GEMIN5: variants seen among roughly 807,000 people sequenced by gnomAD.
GEMIN5 encodes gem nuclear organelle associated protein 5.
Under a neutral mutation model 176.9 loss-of-function variants are expected in GEMIN5, and 124 were observed. That is an observed-to-expected ratio of 0.70 (90% CI 0.61 to 0.81). GEMIN5 has a LOEUF of 0.81. GEMIN5 is among the 40% of genes least tolerant of loss of function. The pLI, the probability that GEMIN5 is intolerant of heterozygous loss-of-function variation, is 0.00. For synonymous variants in GEMIN5, 673 were observed against 665.2 expected, an observed-to-expected ratio of 1.01 and a Z score of -0.18; for missense variants, 1,843 against 1,814.6, an observed-to-expected ratio of 1.02 and a Z score of -0.28.
Position 154,927,389 on chromosome 5 carries a change from C to T in GEMIN5, c.1076G>A (p.Arg359Lys). 6.4e-7 allele frequency: 1 copy of T among 1,563,604 alleles called. No homozygotes were observed. ...AGTGAAAATAAGCATTCTTACATCT[C>T]TATCCATTGATGTAGAAAGTAATAG... ...KQLLLSTSMDRDVKCWDIATL... is the reference protein window; with the variant it reads ...KQLLLSTSMDKDVKCWDIATL... Residue 359 changes from arginine to lysine, a missense_variant, in exon 7 of 28, where the codon AGA becomes AAA. Arg to Lys is a conservative substitution (Grantham distance 26). Coordinates refer to ENST00000285873, the MANE Select transcript of GEMIN5 (RefSeq NM_015465.5).
chr5:154,888,789 T>C (rs1184175642), intron 27 of GEMIN5, among the ~76,000 whole-genome samples: 2 of 152,248 alleles, frequency 1.3e-5, no homozygotes, highest in East Asian at 1.9e-4. Flanking sequence ...ATTACTTGTG[T>C]GATCGATAAT....
intron 4 of GEMIN5, 121 bp from the exon 5 acceptor site, chr5:154,931,698 T>G (rs953722750): frequency 1.3e-6 from 1 of 783,298 alleles, no homozygotes; most frequent in Non-Finnish European, 2.0e-6. Context: ...ACTATAAAAT[T>G]TGAAGTTTTA....
intron 11 of GEMIN5, among the ~76,000 whole-genome samples, chr5:154,918,298 A>G (rs1435865468): frequency 6.6e-6 from 1 of 152,216 alleles, no homozygotes; most frequent in Non-Finnish European, 1.5e-5. Flanking sequence ...TGTGCCCATC[A>G]GCTTGGACAA....
At chr5:154,907,547 C>T (rs1227084902) in intron 16 of GEMIN5, 44 bp downstream of exon 16, 1 of 1,449,592 alleles carries the variant, frequency 6.9e-7, no homozygotes, top group Non-Finnish European at 9.7e-7. Context: ...GTTTCCCAGA[C>T]ACGACCATGA....
chr5:154,903,047 T>C (rs765024778), intron 19 of GEMIN5, 33 bp downstream of exon 19: 5 of 1,312,450 alleles, frequency 3.8e-6, no homozygotes, highest in Non-Finnish European at 2.2e-6. Context: ...AGTATAAAGA[T>C]GGATGAGATT....
At chr5:154,891,785 G>C in intron 25 of GEMIN5, 43 bp from the exon 26 acceptor site, 6 of 1,525,112 alleles carry the variant, frequency 3.9e-6, no homozygotes, top group Non-Finnish European at 5.3e-6. Flanking sequence ...CATTTCTCTA[G>C]TTGCCAGAAA....
At chr5:154,897,285 G>C (rs1763370316) in intron 23 of GEMIN5, among the ~76,000 whole-genome samples, 1 of 152,170 alleles carries the variant, frequency 6.6e-6, no homozygotes. Flanking sequence ...TACTCTGTTA[G>C]AGAATGAAGA....
In GEMIN5 at chr5:154,901,504, G is replaced by C. The variant is rs1305364069; in HGVS notation, c.2867-18C>G. ...GTAGCCAGCTGAAAAAATAAAAGAT[G>C]GTGGTTAAAAAAACAGTTGAAGAAA... On this transcript the variant is annotated intron_variant, in intron 20 of 27. Transcript: ENST00000285873. 5.0e-6 allele frequency: 8 copies of C among 1,610,572 alleles called. No homozygotes were observed. The highest frequency in any genetic ancestry group is 3.3e-4 in the Middle Eastern group (2 of 6,066).
In GEMIN5 at chr5:154,917,029, G is replaced by A. The variant is rs1191786914; in HGVS notation, c.1824C>T (p.Val608=). The part of the protein sequence containing the change: ...YLMASGSNNA[V]IYVHNLKTVI... ...CAGTCTTCAGGTTGTGCACGTAAAT[G>A]ACTGCATTGTTGGAGCCAGAGGCCA... The change falls in exon 13 of 28, where the codon GTC becomes GTT. Residue 608 remains valine, a synonymous_variant. Transcript: ENST00000285873. 1 of 1,597,102 alleles carries A rather than the reference G, an allele frequency of 6.3e-7. No individual in the cohort carries two copies. Among genetic ancestry groups the A allele is most frequent in the Non-Finnish European group, 8.6e-7 (1 of 1,167,290 alleles).
At chr5:154,937,656 G>A (rs1004516092) in intron 1 of GEMIN5, among the ~76,000 whole-genome samples, 38 of 152,218 alleles carry the variant, frequency 2.5e-4, no homozygotes, top group African/African-American at 8.7e-4. Context: ...ACCCCAGGAA[G>A]GCTCCCGGGG....
rs1764288305 is a variant in GEMIN5, at chr5:154,937,223, T to C, written c.167-38A>G. 4 of 1,532,160 alleles carry C rather than the reference T, an allele frequency of 2.6e-6. No individual in the cohort carries two copies. The South Asian group carries it at 4.8e-5, about 18-fold the overall frequency. The allele number at this position is 1,532,160 out of a possible 1,614,324, so 94.9% of individuals were successfully genotyped here. Reference sequence around the variant, plus strand: ...CCAGACGCTAGGTTAATCGAAGTGCTATCCAAGGTTCCTGGCAGAATCATA... The same window carrying C: ...CCAGACGCTAGGTTAATCGAAGTGCCATCCAAGGTTCCTGGCAGAATCATA... On this transcript the variant is annotated intron_variant, in intron 1 of 27. Coordinates refer to ENST00000285873, the MANE Select transcript of GEMIN5 (RefSeq NM_015465.5).
intron 3 of GEMIN5, among the ~76,000 whole-genome samples, chr5:154,934,722 TCAAA>T: frequency 6.6e-6 from 1 of 152,320 alleles, no homozygotes; most frequent in East Asian, 1.9e-4. Flanking sequence ...ATCTCCTTTC[TCAAA>T]CAGTTTGGGT....
chr5:154,922,296 T>G (rs1763938929), intron 9 of GEMIN5, among the ~76,000 whole-genome samples: 1 of 151,694 alleles, frequency 6.6e-6, no homozygotes, highest in South Asian at 2.1e-4. Context: ...GCCTCTGGAG[T>G]AGCTGGGACT....
chr5:154,897,914 GTT>G (rs35458616), intron 23 of GEMIN5, among the ~76,000 whole-genome samples: 1 of 124,458 alleles, frequency 8.0e-6, no homozygotes. Flanking sequence ...TTTTTTTTGT[GTT>G]TTTTTTTTTT....
In GEMIN5 at chr5:154,921,367, GC is replaced by G; in HGVS notation, c.1437del (p.Pro480HisfsTer63). 1.4e-5 allele frequency: 21 copies of G among 1,458,092 alleles called. No individual in the cohort carries two copies. The highest frequency in any genetic ancestry group is 1.8e-5 in the Non-Finnish European group (19 of 1,045,846). The allele number at this position is 1,458,092 out of a possible 1,614,324, so 90.3% of individuals were successfully genotyped here. A position where few individuals can be genotyped will look rare whatever the true frequency, so the allele number is the denominator to read the frequency against. Reference sequence around the variant, plus strand: ...CCAAGTGACATGGGGGGTACTGGTGGCCCCCAGGCTAAAGTATATACAGTCT... The same window carrying G: ...CCAAGTGACATGGGGGGTACTGGTGGCCCCAGGCTAAAGTATATACAGTCT... ...HKKTVYTLAW[G>X]PPVPPMSLGG... is the part of the protein sequence containing the mutation. On this transcript the variant is annotated frameshift_variant, in exon 10 of 28. Transcript: ENST00000285873. LOFTEE classifies it high-confidence loss of function.
At chr5:154,909,133 A>ATTT (rs70981958) in intron 15 of GEMIN5, among the ~76,000 whole-genome samples, 1,528 of 99,624 alleles carry the variant, frequency 0.015, 59 homozygotes, top group African/African-American at 0.029. Context: ...TAATTTTTGT[A>ATTT]TTTTTTTTTT....
chr5:154,891,184 T>G (rs1323598042), intron 26 of GEMIN5, 57 bp downstream of exon 26: 5 of 1,469,246 alleles, frequency 3.4e-6, no homozygotes, highest in Admixed American at 2.0e-5. Context: ...CATGAACCAC[T>G]GTTCCTAGCC....
intron 13 of GEMIN5, among the ~76,000 whole-genome samples, chr5:154,914,648 G>T (rs1763776927): frequency 6.6e-6 from 1 of 151,698 alleles, no homozygotes; most frequent in South Asian, 2.1e-4. Context: ...GAGTAACTGG[G>T]CCTATAGGTA....
chr5:154,936,067 T>C (rs748173951), intron 2 of GEMIN5, 45 bp from the exon 3 acceptor site: 2 of 1,204,030 alleles, frequency 1.7e-6, no homozygotes, highest in African/African-American at 3.1e-5. Flanking sequence ...GCTGAAGTTC[T>C]ACTTAATTTT....
Sources: gnomAD v4.1 joint callset for allele counts (sites outside exome capture counted in the v4.1 genomes callset) on GRCh38, gnomAD v4.1.1 for gene constraint, MANE v1.5 for transcripts, NCBI Gene and HGNC (gene_info 2026-07-23, HGNC 2026-07-21) for gene names.